Variants in CTNNA2 observed in about 807,000 individuals in gnomAD.
CTNNA2 encodes the protein catenin alpha 2, also known as catenin alpha-2.
In CTNNA2, 42 loss-of-function variants were observed where a neutral mutation model predicts 101.0. That is an observed-to-expected ratio of 0.42 (90% CI 0.32 to 0.54). CTNNA2 has a LOEUF of 0.54. Among genes scored for constraint, CTNNA2 ranks in the 20% least tolerant of loss-of-function variants. The pLI is 0.14. For synonymous variants in CTNNA2, 450 were observed against 456.4 expected (o/e 0.99, Z 0.18); for missense variants, 871 against 1,223.1 (o/e 0.71, Z 4.29).
At chr2:80,140,022 G>T (rs73940962) in intron 7 of CTNNA2, among the ~76,000 whole-genome samples, 3 of 152,136 alleles carry the variant, frequency 2.0e-5, no homozygotes, top group Non-Finnish European at 2.9e-5. Context: ...TACAGTGTGA[G>T]AACTAGAATC....
At chr2:80,122,001 A>C (rs886703588) in intron 7 of CTNNA2, among the ~76,000 whole-genome samples, 1 of 152,128 alleles carries the variant, frequency 6.6e-6, no homozygotes, top group African/African-American at 2.4e-5. Context: ...ACAGCCTAGC[A>C]CTCAGTTTCC....
intron 7 of CTNNA2, among the ~76,000 whole-genome samples, chr2:80,135,677 C>T (rs1449788198): frequency 2.0e-5 from 3 of 152,096 alleles, no homozygotes; most frequent in Non-Finnish European, 4.4e-5. Flanking sequence ...ATGTGTCATT[C>T]ACAGAGCTAA....
At chr2:79,853,023 C>T (rs568670888) in intron 3 of CTNNA2, among the ~76,000 whole-genome samples, 21 of 152,116 alleles carry the variant, frequency 1.4e-4, no homozygotes, top group East Asian at 5.8e-4. Flanking sequence ...CCTGCCAGCA[C>T]GCCTGGCTAA....
intron 4 of CTNNA2, among the ~76,000 whole-genome samples, chr2:79,399,701 G>A (rs1279850611): frequency 6.6e-6 from 1 of 151,876 alleles, no homozygotes; most frequent in Non-Finnish European, 1.5e-5. Flanking sequence ...TAATAAAGAT[G>A]AGACACTCAA....
intron 7 of CTNNA2, among the ~76,000 whole-genome samples, chr2:79,964,033 T>C (rs1262693195): frequency 2.6e-5 from 4 of 151,958 alleles, no homozygotes; most frequent in Non-Finnish European, 4.4e-5. Flanking sequence ...CTGTGAAACA[T>C]ACCTTGGGGT....
At chr2:80,589,960 CATTA>C (rs1696322060) in intron 15 of CTNNA2, among the ~76,000 whole-genome samples, 1 of 151,542 alleles carries the variant, frequency 6.6e-6, no homozygotes, top group Non-Finnish European at 1.5e-5. Context: ...TGTGATCTAG[CATTA>C]ATTTAAGCTC....
chr2:80,199,791 G>T (rs992565536), intron 7 of CTNNA2, among the ~76,000 whole-genome samples: 2 of 152,174 alleles, frequency 1.3e-5, no homozygotes, highest in Admixed American at 1.3e-4. Context: ...ACTTAAATGT[G>T]CTTCCAGAAG....
intron 1 of CTNNA2, among the ~76,000 whole-genome samples, chr2:79,616,028 T>A (rs1381543583): frequency 6.6e-6 from 1 of 152,142 alleles, no homozygotes; most frequent in Non-Finnish European, 1.5e-5. Flanking sequence ...GAAGGAGACA[T>A]GTTTTCTGTG....
chr2:80,154,593 G>A (rs1273909781), intron 7 of CTNNA2, among the ~76,000 whole-genome samples: 1 of 152,180 alleles, frequency 6.6e-6, no homozygotes, highest in Non-Finnish European at 1.5e-5. Context: ...AAGTGTTCTA[G>A]GCCTGTATGG....
intron 2 of CTNNA2, among the ~76,000 whole-genome samples, chr2:79,254,933 G>A (rs1434515395): frequency 6.6e-6 from 1 of 152,184 alleles, no homozygotes; most frequent in Non-Finnish European, 1.5e-5. Flanking sequence ...TAGGGGCAAG[G>A]ATGATGCATT....
intron 2 of CTNNA2, among the ~76,000 whole-genome samples, chr2:79,252,418 C>G (rs1674784703): frequency 6.6e-6 from 1 of 151,758 alleles, no homozygotes. Flanking sequence ...ATCTTCACCT[C>G]TGGTTTTGTG....
At chr2:80,613,020 C>G (rs1185346773) in intron 17 of CTNNA2, 1 of 151,400 alleles carries the variant, frequency 6.6e-6, no homozygotes, top group Non-Finnish European at 1.5e-5. Flanking sequence ...TAAAAACAAA[C>G]TTCAGATTGT....
intron 18 of CTNNA2, among the ~76,000 whole-genome samples, chr2:80,640,660 G>C (rs1673369487): frequency 6.6e-6 from 1 of 152,148 alleles, no homozygotes. Flanking sequence ...GGTCTTCAAA[G>C]CCTCATGGAT....
At chr2:80,443,501 C>A (rs1292599103) in intron 9 of CTNNA2, among the ~76,000 whole-genome samples, 1 of 152,156 alleles carries the variant, frequency 6.6e-6, no homozygotes, top group African/African-American at 2.4e-5. Flanking sequence ...ACAAAGCTAA[C>A]ATTCATGGCC....
chr2:80,295,888 A>G (rs1307482728), intron 7 of CTNNA2, among the ~76,000 whole-genome samples: 1 of 152,188 alleles, frequency 6.6e-6, no homozygotes, highest in African/African-American at 2.4e-5. Flanking sequence ...TCATCTGCCC[A>G]TGAACCTCAC....
At chr2:80,518,002 G>A (rs978083083) in intron 9 of CTNNA2, among the ~76,000 whole-genome samples, 5 of 152,054 alleles carry the variant, frequency 3.3e-5, no homozygotes, top group South Asian at 2.1e-4. Flanking sequence ...TTCAGGTGAC[G>A]GGCAGTAAAT....
chr2:80,357,313 CAAA>C (rs1033810406), intron 7 of CTNNA2, among the ~76,000 whole-genome samples: 33 of 144,294 alleles, frequency 2.3e-4, no homozygotes, highest in African/African-American at 8.3e-4. Context: ...GGAAAATAGT[CAAA>C]AGGGGAAGGA....
At chr2:80,502,687 G>A (rs575488564) in intron 9 of CTNNA2, among the ~76,000 whole-genome samples, 1 of 152,280 alleles carries the variant, frequency 6.6e-6, no homozygotes, top group Admixed American at 6.5e-5. Context: ...CAGGATCCAG[G>A]CTACCCTCTG....
intron 7 of CTNNA2, among the ~76,000 whole-genome samples, chr2:79,966,638 AAAG>A (rs1690083467): frequency 6.6e-6 from 1 of 152,170 alleles, no homozygotes; most frequent in African/African-American, 2.4e-5. Flanking sequence ...GGAAGAAAAG[AAAG>A]AAGGCAGCCA....
Sources: gnomAD v4.1 joint callset for allele counts (sites outside exome capture counted in the v4.1 genomes callset) on GRCh38, gnomAD v4.1.1 for gene constraint, MANE v1.5 for transcripts, NCBI Gene and HGNC (gene_info 2026-07-23, HGNC 2026-07-21) for gene names.